SUCLA2: variants seen among roughly 807,000 people sequenced by gnomAD.
The protein encoded by SUCLA2 is succinate--CoA ligase [ADP-forming] subunit beta, mitochondrial.
SUCLA2 carries 30 observed loss-of-function variants against 54.8 expected under a neutral mutation model. The ratio of observed to expected loss-of-function variants is 0.55; its 90% confidence interval spans 0.41 to 0.74. The LOEUF (loss-of-function observed/expected upper bound fraction) is 0.74, where lower values mean the gene tolerates loss of function less well. Ranked by LOEUF, SUCLA2 falls within the 30% of genes least tolerant of loss-of-function variation. The probability of loss-of-function intolerance (pLI) is 0.00; values close to 1 mark genes in which losing one functional copy is unlikely to be tolerated. For synonymous variants in SUCLA2, 172 were observed against 188.9 expected (o/e 0.91, Z 0.74); for missense variants, 476 against 562.9 (o/e 0.85, Z 1.56).
chr13:47,997,042 T>C lies in SUCLA2; in HGVS notation c.91-19A>G. 1 of 1,613,846 alleles carries C rather than the reference T, an allele frequency of 6.2e-7. No individual in the cohort carries two copies. The highest frequency in any genetic ancestry group is 8.5e-7 in the Non-Finnish European group (1 of 1,179,838). ...CCAGAACCTAGAAAGATTGGGGACA[T>C]ATTTATATATGACAGTGATTTGGCA... On this transcript the variant is annotated intron_variant, in intron 1 of 10. Coordinates refer to ENST00000646932, the MANE Select transcript of SUCLA2 (RefSeq NM_003850.3).
At chr13:47,969,995 G>A (rs903828407) in intron 5 of SUCLA2, among the ~76,000 whole-genome samples, 2 of 151,432 alleles carry the variant, frequency 1.3e-5, no homozygotes, top group South Asian at 2.1e-4. Context: ...CCAGCTACTC[G>A]AGAGGCTGAG....
Position 48,001,106 on chromosome 13 carries a change from G to A in SUCLA2, c.90+74C>T, listed in dbSNP as rs977473010. 3 of 1,538,732 alleles carry A rather than the reference G, an allele frequency of 1.9e-6. No homozygotes were observed. In the South Asian group the frequency reaches 3.6e-5, roughly 18 times the overall value. Reference sequence around the variant, plus strand: ...ACTGCCGGCGAAGTGACCCCGAGCCGGGCCACGGGACCCCTCACACCTCAC... The same window carrying A: ...ACTGCCGGCGAAGTGACCCCGAGCCAGGCCACGGGACCCCTCACACCTCAC... On this transcript the variant is annotated intron_variant, in intron 1 of 10. Coordinates refer to ENST00000646932, the MANE Select transcript of SUCLA2 (RefSeq NM_003850.3).
chr13:47,983,107 C>T (rs1248665137), intron 4 of SUCLA2, among the ~76,000 whole-genome samples: 1 of 151,942 alleles, frequency 6.6e-6, no homozygotes, highest in Non-Finnish European at 1.5e-5. Flanking sequence ...TATTAGAACT[C>T]CTTTCAATAT....
chr13:48,000,731 G>A (rs556278934), intron 1 of SUCLA2, among the ~76,000 whole-genome samples: 23 of 152,336 alleles, frequency 1.5e-4, no homozygotes, highest in African/African-American at 4.6e-4. Flanking sequence ...AAGTCAGTAA[G>A]CACCGCTGGT....
At chr13:47,995,693 G>C (rs1406694204) in intron 2 of SUCLA2, among the ~76,000 whole-genome samples, 3 of 152,126 alleles carry the variant, frequency 2.0e-5, no homozygotes, top group African/African-American at 7.2e-5. Context: ...AATGTACATA[G>C]AAGAGAGATT....
At chr13:47,944,952 A>C (rs753903857) in intron 10 of SUCLA2, among the ~76,000 whole-genome samples, 5 of 151,770 alleles carry the variant, frequency 3.3e-5, no homozygotes, top group Non-Finnish European at 7.4e-5. Flanking sequence ...GCAAAACCCT[A>C]TCTCTACTAA....
At chr13:47,951,322 G>A (rs4942723) in intron 8 of SUCLA2, among the ~76,000 whole-genome samples, 3 of 132,372 alleles carry the variant, frequency 2.3e-5, no homozygotes, top group East Asian at 2.3e-4. Context: ...CCCCGCCCCC[G>A]CTCCCAAGAA....
At chr13:47,957,204 ACC>A (rs890819593) in intron 6 of SUCLA2, among the ~76,000 whole-genome samples, 1 of 151,892 alleles carries the variant, frequency 6.6e-6, no homozygotes, top group Non-Finnish European at 1.5e-5. Flanking sequence ...TGCTATATAA[ACC>A]CCGAGTTTTA....
chr13:47,989,719 C>T (rs897252748), intron 2 of SUCLA2, among the ~76,000 whole-genome samples: 5 of 152,000 alleles, frequency 3.3e-5, no homozygotes, highest in Admixed American at 1.3e-4. Flanking sequence ...TGAGTTATAT[C>T]GCTATAGCAG....
Position 47,943,299 on chromosome 13 carries a change from A to G in SUCLA2, c.*72T>C, listed in dbSNP as rs572023138. 8.3e-6 allele frequency: 12 copies of G among 1,449,804 alleles called. No individual in the cohort carries two copies. In the African/African-American group the frequency reaches 8.4e-5, roughly 10 times the overall value. 89.8% of individuals were successfully genotyped at this position (1,449,804 alleles called of 1,614,324 possible). On this transcript the variant is annotated 3_prime_UTR_variant, in exon 11 of 11. Coordinates refer to ENST00000646932, the MANE Select transcript of SUCLA2 (RefSeq NM_003850.3). ...CCACACACTAAAAAGAAAAAGAACAATAACACAGAACACAGTATTCTTAAT... is the reference window on the plus strand; with the variant it reads ...CCACACACTAAAAAGAAAAAGAACAGTAACACAGAACACAGTATTCTTAAT...
intron 6 of SUCLA2, among the ~76,000 whole-genome samples, chr13:47,966,726 A>C (rs796454938): frequency 9.0e-4 from 137 of 151,532 alleles, no homozygotes; most frequent in African/African-American, 3.3e-3. Flanking sequence ...AATAAAAAAA[A>C]AAAAATAGGC....
intron 6 of SUCLA2, among the ~76,000 whole-genome samples, chr13:47,964,811 C>A (rs917452523): frequency 6.6e-6 from 1 of 151,914 alleles, no homozygotes; most frequent in Non-Finnish European, 1.5e-5. Context: ...GAGCTGAGAT[C>A]GTGCCACTGC....
chr13:47,952,242 G>C (rs961184830), intron 8 of SUCLA2, among the ~76,000 whole-genome samples: 1 of 151,880 alleles, frequency 6.6e-6, no homozygotes, highest in Non-Finnish European at 1.5e-5. Flanking sequence ...ACTCTCTCCC[G>C]ATCTGTTCTT....
chr13:47,953,650 G>C (rs907118473), intron 8 of SUCLA2, among the ~76,000 whole-genome samples: 1 of 152,108 alleles, frequency 6.6e-6, no homozygotes, highest in Middle Eastern at 3.4e-3. Flanking sequence ...TATGTACTGG[G>C]CATTATACCA....
At position 47,968,633 on chromosome 13, in the gene SUCLA2, A is replaced by G. The variant is rs1949937642; in HGVS notation, c.764T>C (p.Ile255Thr). The G allele has an allele frequency of 6.2e-7, 1 of 1,611,806 alleles. No homozygotes were observed. Among genetic ancestry groups the G allele is most frequent in the Non-Finnish European group, 8.5e-7 (1 of 1,179,776 alleles). Residue 255 changes from isoleucine (I) to threonine (T), a missense_variant, in exon 6 of 11, where the codon ATA becomes ACA. Physicochemically the swap from Ile to Thr is moderately conservative, Grantham distance 89 (BLOSUM62 -1). This residue lies in a region of SUCLA2 where 342 missense variants were observed against 444.2 expected (regional missense o/e 0.77). Coordinates refer to ENST00000646932, the MANE Select transcript of SUCLA2 (RefSeq NM_003850.3). Reference protein sequence around the residue: ...SLFLKYDATMIEINPMVEDSD... With the variant: ...SLFLKYDATMTEINPMVEDSD... The stretch of plus-strand genomic sequence containing the variant: ...ATCTTCCACCATTGGATTTATTTCT[A>G]TCATGGTTGCATCGTATTTCAGAAA...
intron 5 of SUCLA2, among the ~76,000 whole-genome samples, chr13:47,968,946 TAAGA>T (rs2044347879): frequency 6.6e-6 from 1 of 152,222 alleles, no homozygotes; most frequent in Non-Finnish European, 1.5e-5. Context: ...ATTTTATAGA[TAAGA>T]AAGAGATTCA....
intron 4 of SUCLA2, among the ~76,000 whole-genome samples, chr13:47,974,272 AG>A (rs1949991318): frequency 6.6e-6 from 1 of 152,174 alleles, no homozygotes; most frequent in Non-Finnish European, 1.5e-5. Context: ...TCTAAGCTCT[AG>A]CCCTACTGCA....
At chr13:47,979,886 G>A (rs1421645688) in intron 4 of SUCLA2, among the ~76,000 whole-genome samples, 1 of 152,078 alleles carries the variant, frequency 6.6e-6, no homozygotes, top group Non-Finnish European at 1.5e-5. Context: ...TAAAGATTCT[G>A]CACACACACA....
At chr13:47,957,868 C>CATTGG (rs1183442037) in intron 6 of SUCLA2, among the ~76,000 whole-genome samples, 1 of 152,142 alleles carries the variant, frequency 6.6e-6, no homozygotes, top group Non-Finnish European at 1.5e-5. Context: ...AGAGAGGAAG[C>CATTGG]ACCTCAAGTG....
Sources: allele counts gnomAD v4.1 joint callset (sites outside exome capture counted in the v4.1 genomes callset), GRCh38; gene constraint gnomAD v4.1.1; regional missense constraint gnomAD v4.1.1; transcripts MANE v1.5; gene names NCBI Gene and HGNC (gene_info 2026-07-23, HGNC 2026-07-21).